TRDN: variants seen among roughly 807,000 people sequenced by gnomAD.
The protein encoded by TRDN is triadin in skeletal muscle.
A neutral mutation model predicts 149.7 loss-of-function variants in TRDN; 161 were observed. That is an observed-to-expected ratio of 1.08 (90% CI 0.95 to 1.23). TRDN has a LOEUF of 1.23. Among genes scored for constraint, TRDN ranks in the 50% most tolerant of loss-of-function variants. TRDN has a pLI of 0.00. For missense variants in TRDN, 896 were observed against 823.5 expected, an observed-to-expected ratio of 1.09 and a Z score of -1.08; for synonymous variants, 294 against 250.5, an observed-to-expected ratio of 1.17 and a Z score of -1.64.
At chr6:123,266,529 AAT>A (rs1331402391) in intron 32 of TRDN, among the ~76,000 whole-genome samples, 3 of 40,746 alleles carry the variant, frequency 7.4e-5, no homozygotes, top group African/African-American at 1.2e-4. Context: ...TATTATATAT[AAT>A]ATATATATTA....
intron 7 of TRDN, among the ~76,000 whole-genome samples, chr6:123,509,155 C>A (rs1300262536): frequency 6.6e-6 from 1 of 151,668 alleles, no homozygotes; most frequent in Non-Finnish European, 1.5e-5. Flanking sequence ...TATATACACA[C>A]ATATATATGT....
chr6:123,371,008 C>T (rs1204742336), intron 19 of TRDN, among the ~76,000 whole-genome samples: 1 of 149,864 alleles, frequency 6.7e-6, no homozygotes, highest in Non-Finnish European at 1.5e-5. Context: ...AAGTTTGTGG[C>T]TTGTCCATTA....
At chr6:123,613,234 G>A (rs555092025) in intron 1 of TRDN, among the ~76,000 whole-genome samples, 15 of 152,272 alleles carry the variant, frequency 9.9e-5, no homozygotes, top group African/African-American at 3.6e-4. Flanking sequence ...GTCAGCTAAT[G>A]CCAAACTTTC....
chr6:123,529,945 T>C (rs1455990905), intron 5 of TRDN, among the ~76,000 whole-genome samples: 2 of 152,032 alleles, frequency 1.3e-5, no homozygotes, highest in African/African-American at 2.4e-5. Context: ...CTTTCTTAAT[T>C]TGCTTCTGCT....
chr6:123,301,146 G>A (rs367780055), intron 24 of TRDN, among the ~76,000 whole-genome samples: 6 of 151,826 alleles, frequency 4.0e-5, no homozygotes, highest in Admixed American at 6.6e-5. Flanking sequence ...ATTCAAAATA[G>A]CGCACAATTT....
chr6:123,472,131 G>T (rs1441543133), intron 9 of TRDN, among the ~76,000 whole-genome samples: 1 of 152,326 alleles, frequency 6.6e-6, no homozygotes, highest in Admixed American at 6.5e-5. Context: ...CGTGAGCGAC[G>T]CAGAAGACGG....
rs374313781 is a variant in TRDN at position 123,535,647 on chromosome 6, T to C, written c.425-5082A>G. Among the ~76,000 whole-genome samples the C allele has an allele frequency of 1.6e-4, 24 of 152,276 alleles. No individual in the cohort carries two copies. In the East Asian group the frequency reaches 1.9e-3, roughly 12 times the overall value. On this transcript the variant is annotated intron_variant, in intron 4 of 40. Coordinates refer to ENST00000334268, the MANE Select transcript of TRDN (RefSeq NM_006073.4). ...TCAATGGCGATAGCAATGAAATATA[T>C]CTTCCTCACACAGACTGTTTTTCCA...
In TRDN at chr6:123,218,645, A is replaced by G. The variant is rs1775027466; in HGVS notation, c.2146T>C (p.Ser716Pro). 6.2e-6 allele frequency: 10 copies of G among 1,611,306 alleles called. No individual in the cohort carries two copies. Among genetic ancestry groups the G allele is most frequent in the South Asian group, 1.1e-5 (1 of 90,874 alleles). The part of the protein sequence containing the change: ...FTPADRPGES[S>P]GQANSPGQKQ... The stretch of plus-strand genomic sequence containing the variant: ...TGTCCTGGAGAATTTGCTTGACCAG[A>G]GCTCTCTCCAGGGCGGTCTGCAGGA... Residue 716 changes from serine to proline, a missense_variant, in exon 41 of 41, where the codon TCT becomes CCT. Ser to Pro is a moderately conservative substitution (Grantham distance 74). Transcript: ENST00000334268.
intron 10 of TRDN, among the ~76,000 whole-genome samples, chr6:123,453,764 C>G (rs565590820): frequency 2.0e-5 from 3 of 151,946 alleles, no homozygotes; most frequent in East Asian, 3.9e-4. Flanking sequence ...AGTATCTACC[C>G]AAAGGAAAAG....
chr6:123,240,821 ATG>A (rs987342406), intron 38 of TRDN, among the ~76,000 whole-genome samples: 5 of 151,958 alleles, frequency 3.3e-5, no homozygotes, highest in Non-Finnish European at 7.4e-5. Flanking sequence ...CAAAATATTG[ATG>A]TGTCATCATT....
intron 21 of TRDN, among the ~76,000 whole-genome samples, chr6:123,348,240 T>C (rs958852284): frequency 1.3e-5 from 2 of 152,116 alleles, no homozygotes; most frequent in Non-Finnish European, 2.9e-5. Context: ...CTATAAAAAT[T>C]GGGACAATAA....
At position 123,610,422 on chromosome 6, in the gene TRDN, C is replaced by T. The variant is rs554603310; in HGVS notation, c.22+26332G>A. Among the ~76,000 whole-genome samples, 43 of 152,220 alleles carry T rather than the reference C, an allele frequency of 2.8e-4. No homozygotes were observed. In the South Asian group the frequency reaches 8.1e-3, roughly 29 times the overall value. ...GTTACTGATGACTCTCATTCCATGT[C>T]GCTATGTGTTCATTCACTCTGCAAT... On this transcript the variant is annotated intron_variant, in intron 1 of 40. Coordinates refer to ENST00000334268, the MANE Select transcript of TRDN (RefSeq NM_006073.4).
chr6:123,378,325 G>C (rs1163551640), intron 16 of TRDN, among the ~76,000 whole-genome samples: 2 of 152,270 alleles, frequency 1.3e-5, no homozygotes, highest in Admixed American at 1.3e-4. Flanking sequence ...TGTTGCCCAA[G>C]TTGTAGTGCA....
At chr6:123,413,191 C>T (rs1773512246) in intron 12 of TRDN, among the ~76,000 whole-genome samples, 1 of 152,186 alleles carries the variant, frequency 6.6e-6, no homozygotes, top group Non-Finnish European at 1.5e-5. Context: ...ATGGTTTCAT[C>T]TTTCTGTTCT....
Position 123,267,877 on chromosome 6 carries a change from T to C in TRDN, c.1739-126A>G. ...TGCCCCAAAGTCATTTTCATGTAAT[T>C]TGAAACAAAGAAAGCATATTGCCAT... On this transcript the variant is annotated intron_variant, in intron 31 of 40. Transcript: ENST00000334268. 4 of 674,860 alleles carry C rather than the reference T, an allele frequency of 5.9e-6. No homozygotes were observed. The South Asian group carries it at 1.0e-4, about 17-fold the overall frequency. 41.8% of individuals were successfully genotyped at this position (674,860 alleles called of 1,614,324 possible). A position where few individuals can be genotyped will look rare whatever the true frequency, so the allele number is the denominator to read the frequency against.
intron 9 of TRDN, 92 bp from the exon 10 acceptor site, chr6:123,465,075 T>C: frequency 1.5e-6 from 2 of 1,296,578 alleles, no homozygotes; most frequent in South Asian, 3.2e-5. Flanking sequence ...CCTACATGCA[T>C]AATTCATAAT....
chr6:123,465,125 A>G lies in TRDN; in HGVS notation c.854-142T>C. The G allele has an allele frequency of 1.2e-5, 11 of 936,458 alleles. No individual in the cohort carries two copies. The South Asian group carries it at 2.8e-4, about 24-fold the overall frequency. 58.0% of individuals were successfully genotyped at this position (936,458 alleles called of 1,614,324 possible). A position where few individuals can be genotyped will look rare whatever the true frequency, so the allele number is the denominator to read the frequency against. On this transcript the variant is annotated intron_variant, in intron 9 of 40. Transcript: ENST00000334268. Reference sequence around the variant, plus strand: ...AAATCATATTATTATGCAAAAAAGAAAGCTATTATTAAGGGAGATCTTTAA... The same window carrying G: ...AAATCATATTATTATGCAAAAAAGAGAGCTATTATTAAGGGAGATCTTTAA...
chr6:123,289,019 GT>G (rs1287990908), intron 24 of TRDN, among the ~76,000 whole-genome samples: 14 of 143,848 alleles, frequency 9.7e-5, no homozygotes, highest in African/African-American at 3.3e-4. Flanking sequence ...TGTGGGGGGT[GT>G]GTGTGTGTGT....
intron 5 of TRDN, chr6:123,529,074 T>C (rs1780087249): frequency 2.1e-6 from 3 of 1,433,662 alleles, no homozygotes; most frequent in Non-Finnish European, 2.7e-6. Context: ...AATTCTAATA[T>C]AGCCAGGTCC....
Sources: gnomAD v4.1 joint callset for allele counts (sites outside exome capture counted in the v4.1 genomes callset) on GRCh38, gnomAD v4.1.1 for gene constraint, MANE v1.5 for transcripts, NCBI Gene and HGNC (gene_info 2026-07-23, HGNC 2026-07-21) for gene names.